Variants in FAT3 observed in about 807,000 individuals in gnomAD.
FAT3 encodes FAT atypical cadherin 3.
FAT3 carries 95 observed loss-of-function variants against 310.2 expected under a neutral mutation model. The ratio of observed to expected loss-of-function variants is 0.31; its 90% confidence interval spans 0.26 to 0.36. The LOEUF (loss-of-function observed/expected upper bound fraction) is 0.36. FAT3 is among the 10% of genes least tolerant of loss of function. The pLI is 1.00. For missense variants in FAT3, 5,408 were observed against 5,715.6 expected (o/e 0.95, Z 1.74); for synonymous variants, 2,314 against 2,192.9 (o/e 1.06, Z -1.54).
intron 1 of FAT3, among the ~76,000 whole-genome samples, chr11:92,237,925 T>A (rs1864500034): frequency 6.6e-6 from 1 of 151,994 alleles, no homozygotes; most frequent in Non-Finnish European, 1.5e-5. Context: ...TAGCTATGAT[T>A]TATTGAGTAT....
At chr11:92,878,644 A>AAAAAAAAAC in intron 22 of FAT3, among the ~76,000 whole-genome samples, 1 of 112,250 alleles carries the variant, frequency 8.9e-6, no homozygotes, top group Non-Finnish European at 1.7e-5. Context: ...TAAAAAAAAA[A>AAAAAAAAAC]AAAAAAAAAA....
rs1197551111 is a variant in FAT3, at chr11:92,315,510, T to TAGAGAG, written c.-17-36585_-17-36584insGAGAGA. Among the ~76,000 whole-genome samples the TAGAGAG allele has an allele frequency of 3.7e-3, 287 of 78,048 alleles. 1 individual carries two copies. Among genetic ancestry groups the TAGAGAG allele is most frequent in the Non-Finnish European group, 5.4e-3 (224 of 41,416 alleles). 51.2% of individuals were successfully genotyped at this position (78,048 alleles called of 152,430 possible). Reference sequence around the variant, plus strand: ...ATATATATATATATATATATATATATATAGAGAGAGAGAGAGAGAGAGAGA... The same window carrying TAGAGAG: ...ATATATATATATATATATATATATATAGAGAGATAGAGAGAGAGAGAGAGAGAGAGA... On this transcript the variant is annotated intron_variant, in intron 1 of 27. Transcript: ENST00000525166.
chr11:92,746,697 A>G (rs192096826), intron 4 of FAT3, among the ~76,000 whole-genome samples: 19 of 152,348 alleles, frequency 1.2e-4, no homozygotes, highest in Admixed American at 2.6e-4. Context: ...AAAGCAAGTT[A>G]GCTACTTCCC....
intron 13 of FAT3, among the ~76,000 whole-genome samples, chr11:92,810,290 A>G (rs896535639): frequency 4.6e-5 from 7 of 152,252 alleles, no homozygotes; most frequent in African/African-American, 1.7e-4. Flanking sequence ...AGTTTGAAGA[A>G]GAGATACTAA....
chr11:92,810,386 A>C (rs895513506), intron 13 of FAT3, among the ~76,000 whole-genome samples: 2 of 152,194 alleles, frequency 1.3e-5, no homozygotes, highest in African/African-American at 2.4e-5. Context: ...CTTTTGAATA[A>C]AAATGATAGA....
At chr11:92,382,821 A>G (rs1214122427) in intron 2 of FAT3, among the ~76,000 whole-genome samples, 1 of 152,104 alleles carries the variant, frequency 6.6e-6, no homozygotes. Flanking sequence ...CCTTTTTAAA[A>G]TTTTTATTTT....
At chr11:92,540,891 A>G (rs1056504023) in intron 3 of FAT3, among the ~76,000 whole-genome samples, 3 of 152,110 alleles carry the variant, frequency 2.0e-5, no homozygotes, top group Non-Finnish European at 4.4e-5. Flanking sequence ...TCTCTGTGCA[A>G]TGATTTCTAG....
intron 1 of FAT3, chr11:92,314,221 G>GT (rs1947378570): frequency 1.2e-6 from 1 of 832,278 alleles, no homozygotes; most frequent in Non-Finnish European, 1.4e-6. Flanking sequence ...AAGTTTTGTG[G>GT]TTTTGGCTAA....
chr11:92,874,724 A>G (rs1949487440), intron 22 of FAT3, among the ~76,000 whole-genome samples: 1 of 152,164 alleles, frequency 6.6e-6, no homozygotes, highest in Non-Finnish European at 1.5e-5. Context: ...TTTTTAGTAG[A>G]GACGGGGTTT....
intron 3 of FAT3, among the ~76,000 whole-genome samples, chr11:92,640,549 C>A (rs963759086): frequency 1.3e-5 from 2 of 152,046 alleles, no homozygotes; most frequent in African/African-American, 4.8e-5. Context: ...AGTGTAAATG[C>A]ATACACATAA....
At chr11:92,775,333 G>T (rs1299120315) in intron 7 of FAT3, among the ~76,000 whole-genome samples, 2 of 152,190 alleles carry the variant, frequency 1.3e-5, no homozygotes, top group East Asian at 3.8e-4. Context: ...CTCTTAGTTT[G>T]AGACTATTTG....
At chr11:92,330,475 ATTTCAGGATGC>A (rs1264365321) in intron 1 of FAT3, among the ~76,000 whole-genome samples, 1 of 152,180 alleles carries the variant, frequency 6.6e-6, no homozygotes, top group Non-Finnish European at 1.5e-5. Context: ...TATACGTTAA[ATTTCAGGATGC>A]TTTCAGGAAC....
chr11:92,445,093 G>A (rs1175398250), intron 2 of FAT3, among the ~76,000 whole-genome samples: 3 of 152,114 alleles, frequency 2.0e-5, no homozygotes, highest in Non-Finnish European at 4.4e-5. Context: ...CAGAAGAAAC[G>A]AAATCTGCTG....
intron 4 of FAT3, among the ~76,000 whole-genome samples, chr11:92,734,209 G>T (rs538453655): frequency 6.6e-6 from 1 of 152,140 alleles, no homozygotes; most frequent in Non-Finnish European, 1.5e-5. Context: ...TCTGGAAAAA[G>T]GATTGTCTCT....
intron 2 of FAT3, among the ~76,000 whole-genome samples, chr11:92,405,990 A>G (rs1207313447): frequency 6.6e-6 from 1 of 152,192 alleles, no homozygotes; most frequent in Non-Finnish European, 1.5e-5. Flanking sequence ...ACATTTTGAA[A>G]CTGTGAATAT....
intron 3 of FAT3, among the ~76,000 whole-genome samples, chr11:92,529,955 A>T (rs1436737145): frequency 2.6e-5 from 4 of 152,218 alleles, no homozygotes; most frequent in Non-Finnish European, 4.4e-5. Context: ...ACTTTAGGCG[A>T]CTTAGGAGGA....
At chr11:92,666,353 A>AT (rs35495410) in intron 3 of FAT3, among the ~76,000 whole-genome samples, 52,151 of 140,206 alleles carry the variant, frequency 0.37, 10,106 homozygotes, top group African/African-American at 0.49. Context: ...AATTTGAAGG[A>AT]TTTTTTTTTT....
intron 8 of FAT3, 50 bp from the exon 9 acceptor site, chr11:92,792,717 C>A (rs1947069172): frequency 1.3e-6 from 2 of 1,570,590 alleles, no homozygotes; most frequent in East Asian, 4.5e-5. Flanking sequence ...CATGTGAGTT[C>A]TTTGCAATTT....
intron 6 of FAT3, among the ~76,000 whole-genome samples, chr11:92,768,952 T>G (rs1319906674): frequency 6.6e-6 from 1 of 152,194 alleles, no homozygotes; most frequent in African/African-American, 2.4e-5. Flanking sequence ...AACTAATAAA[T>G]TCTCATTAAG....
Sources: gnomAD v4.1 joint callset for allele counts (sites outside exome capture counted in the v4.1 genomes callset) on GRCh38, gnomAD v4.1.1 for gene constraint, MANE v1.5 for transcripts, NCBI Gene and HGNC (gene_info 2026-07-23, HGNC 2026-07-21) for gene names.